PALM2AKAP2: variants seen among roughly 807,000 people sequenced by gnomAD.
PALM2AKAP2 encodes the protein PALM2 and AKAP2 fusion.
A neutral mutation model predicts 71.5 loss-of-function variants in PALM2AKAP2; 37 were observed. That is an observed-to-expected ratio of 0.52 (90% confidence interval 0.40 to 0.68). The LOEUF (loss-of-function observed/expected upper bound fraction) is 0.68, where lower values mean the gene tolerates loss of function less well. PALM2AKAP2 is among the 30% of genes least tolerant of loss of function. PALM2AKAP2 has a pLI of 0.00. For missense variants in PALM2AKAP2, 1,224 were observed against 1,191.8 expected, an observed-to-expected ratio of 1.03 and a Z score of -0.40; for synonymous variants, 468 against 478.8, an observed-to-expected ratio of 0.98 and a Z score of 0.29.
chr9:110,148,972 C>T (rs1836244762), intron 2 of PALM2AKAP2, among the ~76,000 whole-genome samples: 1 of 152,158 alleles, frequency 6.6e-6, no homozygotes. Flanking sequence ...ATTCTGAGTG[C>T]ATGCAGCCTT....
chr9:109,682,518 G>C (rs1046064754), intron 1 of PALM2AKAP2, among the ~76,000 whole-genome samples: 19 of 152,190 alleles, frequency 1.2e-4, no homozygotes, highest in Admixed American at 5.9e-4. Context: ...TTATTTTACA[G>C]TTAAGATTCT....
chr9:109,682,378 T>A (rs765682203), intron 1 of PALM2AKAP2, among the ~76,000 whole-genome samples: 1 of 152,230 alleles, frequency 6.6e-6, no homozygotes, highest in African/African-American at 2.4e-5. Context: ...TAGGTAATCA[T>A]ACAGTTGCAT....
chr9:109,658,112 G>C lies in PALM2AKAP2; in HGVS notation c.5+17246G>C, dbSNP rs543106418. ...TTTGGGGGTGGGAAAGTAAGATTTG[G>C]TTTGGGAGCGTGTTAAGTTTGAAAT... On this transcript the variant is annotated intron_variant, in intron 1 of 6. Coordinates refer to the PALM2AKAP2 transcript ENST00000374531. 7.9e-4 allele frequency among the ~76,000 whole-genome samples: 121 copies of C among 152,216 alleles called. 1 individual carries two copies. The highest frequency in any genetic ancestry group is 1.9e-3 in the South Asian group (9 of 4,818).
At chr9:109,902,220 A>C (rs1321999181) in intron 3 of PALM2AKAP2, among the ~76,000 whole-genome samples, 4 of 152,192 alleles carry the variant, frequency 2.6e-5, no homozygotes, top group East Asian at 1.9e-4. Flanking sequence ...TATGTATCTC[A>C]TTTGGCTGTT....
intron 7 of PALM2AKAP2, among the ~76,000 whole-genome samples, chr9:110,021,473 C>G (rs1207739098): frequency 1.3e-5 from 2 of 152,174 alleles, no homozygotes; most frequent in African/African-American, 2.4e-5. Flanking sequence ...TGAATGCACT[C>G]AGATTCTGCC....
intron 1 of PALM2AKAP2, among the ~76,000 whole-genome samples, chr9:110,085,278 A>C (rs1834544460): frequency 6.6e-6 from 1 of 152,250 alleles, no homozygotes; most frequent in Non-Finnish European, 1.5e-5. Context: ...ATGTGTACAA[A>C]GGAAAGGGAA....
At chr9:109,685,204 C>A (rs1184610991) in intron 1 of PALM2AKAP2, among the ~76,000 whole-genome samples, 1 of 152,100 alleles carries the variant, frequency 6.6e-6, no homozygotes, top group Non-Finnish European at 1.5e-5. Context: ...TAGAAATGTT[C>A]TGTATCTTGA....
intron 6 of PALM2AKAP2, among the ~76,000 whole-genome samples, chr9:109,988,602 GGAAGGAAC>G (rs957564205): frequency 1.4e-5 from 1 of 71,288 alleles, no homozygotes; most frequent in Non-Finnish European, 4.1e-5. Flanking sequence ...AAGGAAGGAA[GGAAGGAAC>G]GAAGGAAGGA....
intron 1 of PALM2AKAP2, among the ~76,000 whole-genome samples, chr9:109,745,581 G>A (rs1213841567): frequency 1.3e-5 from 2 of 151,922 alleles, no homozygotes; most frequent in African/African-American, 4.8e-5. Context: ...GTCGTGTCCT[G>A]TTTTAGGTTA....
At chr9:109,842,077 A>G (rs978112593) in intron 1 of PALM2AKAP2, among the ~76,000 whole-genome samples, 2 of 152,004 alleles carry the variant, frequency 1.3e-5, no homozygotes, top group African/African-American at 4.8e-5. Context: ...GGTGGATGAC[A>G]TGCACAGACT....
intron 2 of PALM2AKAP2, among the ~76,000 whole-genome samples, chr9:109,871,574 A>G (rs952899319): frequency 6.6e-6 from 1 of 152,190 alleles, no homozygotes. Flanking sequence ...TATACTTACC[A>G]TTCAGATAGA....
At chr9:109,945,802 A>G (rs914469510) in intron 6 of PALM2AKAP2, 7 of 152,224 alleles carry the variant, frequency 4.6e-5, no homozygotes, top group Admixed American at 1.3e-4. Flanking sequence ...CTATCCTTGC[A>G]TAAGTGAACT....
At chr9:109,960,727 C>T (rs1009029502) in intron 6 of PALM2AKAP2, among the ~76,000 whole-genome samples, 2 of 152,138 alleles carry the variant, frequency 1.3e-5, no homozygotes, top group African/African-American at 2.4e-5. Flanking sequence ...GTTTTATTTT[C>T]TCCCGTATGT....
chr9:109,955,895 C>T (rs191535109), intron 6 of PALM2AKAP2, among the ~76,000 whole-genome samples: 1 of 149,384 alleles, frequency 6.7e-6, no homozygotes, highest in East Asian at 2.1e-4. Context: ...CGAGATCGTG[C>T]CACTGCACTC....
At chr9:110,097,350 C>T (rs1206675475) in intron 1 of PALM2AKAP2, among the ~76,000 whole-genome samples, 2 of 146,436 alleles carry the variant, frequency 1.4e-5, no homozygotes, top group East Asian at 3.9e-4. Flanking sequence ...CCATGTCTAC[C>T]TCTTTCTACA....
At chr9:109,738,654 A>G (rs1183930) in intron 1 of PALM2AKAP2, among the ~76,000 whole-genome samples, 22,343 of 152,260 alleles carry the variant, frequency 0.15, 2,058 homozygotes, top group Non-Finnish European at 0.21. Context: ...AAGGGAGTCA[A>G]CAGAGAAGAG....
At chr9:110,147,402 A>G (rs1441978091) in intron 2 of PALM2AKAP2, among the ~76,000 whole-genome samples, 1 of 152,210 alleles carries the variant, frequency 6.6e-6, no homozygotes, top group Non-Finnish European at 1.5e-5. Flanking sequence ...AACCTCAGTA[A>G]AATAGGAATA....
At chr9:110,147,621 A>G (rs981980347) in intron 2 of PALM2AKAP2, among the ~76,000 whole-genome samples, 1 of 152,182 alleles carries the variant, frequency 6.6e-6, no homozygotes, top group African/African-American at 2.4e-5. Flanking sequence ...ACGGGGGGAA[A>G]AAATAGCTGA....
At chr9:110,169,446 A>G (rs369390566) in exon 4 of PALM2AKAP2, 4 of 152,144 alleles carry the variant, frequency 2.6e-5, no homozygotes, top group African/African-American at 9.7e-5. Context: ...TGCCTTGGAG[A>G]GGTAGATGAT....
Sources: allele counts gnomAD v4.1 joint callset (sites outside exome capture counted in the v4.1 genomes callset), GRCh38; gene constraint gnomAD v4.1.1; transcripts MANE v1.5; gene names NCBI Gene and HGNC (gene_info 2026-07-23, HGNC 2026-07-21).